SAMD5: variants seen among roughly 807,000 people sequenced by gnomAD.
The protein encoded by SAMD5 is sterile alpha motif domain-containing protein 5.
In SAMD5, 13 loss-of-function variants were observed where a neutral mutation model predicts 11.3. The observed-to-expected ratio is 1.15, with a 90% CI of 0.75 to 1.83. The LOEUF (loss-of-function observed/expected upper bound fraction) is 1.83. Among genes scored for constraint, SAMD5 ranks in the 40% most tolerant of loss-of-function variants. The pLI, the probability that SAMD5 is intolerant of heterozygous loss-of-function variation, is 0.00. For missense variants in SAMD5, 255 were observed against 239.1 expected, an observed-to-expected ratio of 1.07 and a Z score of -0.44; for synonymous variants, 129 against 111.3, an observed-to-expected ratio of 1.16 and a Z score of -1.00.
chr6:147,540,077 CT>C (rs148230885), intron 1 of SAMD5, among the ~76,000 whole-genome samples: 1 of 152,072 alleles, frequency 6.6e-6, no homozygotes, highest in African/African-American at 2.4e-5. Context: ...TGAGCAGTTT[CT>C]TTTTTTTCTC....
chr6:147,708,759 G>A (rs1189903965), intron 1 of SAMD5, among the ~76,000 whole-genome samples: 1 of 152,138 alleles, frequency 6.6e-6, no homozygotes, highest in Non-Finnish European at 1.5e-5. Context: ...GTTGTCTTTT[G>A]GGGATGATAA....
the SAMD5 span, among the ~76,000 whole-genome samples, chr6:147,751,617 T>A: frequency 6.6e-6 from 1 of 152,214 alleles, no homozygotes; most frequent in African/African-American, 2.4e-5. Context: ...AGAAAATGTT[T>A]ACTTTTCGGG....
At chr6:147,914,501 T>C in the SAMD5 span, among the ~76,000 whole-genome samples, 4 of 152,066 alleles carry the variant, frequency 2.6e-5, no homozygotes, top group African/African-American at 9.7e-5. Context: ...AATAATAAAT[T>C]GATAATGGCA....
intron 1 of SAMD5, among the ~76,000 whole-genome samples, chr6:147,631,666 C>T (rs1429518346): frequency 2.6e-5 from 4 of 152,116 alleles, no homozygotes; most frequent in Non-Finnish European, 1.5e-5. Context: ...GTGGGAAACG[C>T]CTCTACCCAC....
chr6:147,797,937 G>T, the SAMD5 span, among the ~76,000 whole-genome samples: 1 of 150,602 alleles, frequency 6.6e-6, no homozygotes, highest in Non-Finnish European at 1.5e-5. Context: ...TTTTTATTGT[G>T]TCTATTTGAT....
At chr6:147,772,507 A>C in the SAMD5 span, among the ~76,000 whole-genome samples, 1 of 152,178 alleles carries the variant, frequency 6.6e-6, no homozygotes, top group Non-Finnish European at 1.5e-5. Context: ...GGGTAGCTTA[A>C]GTCAGAGAGA....
intron 1 of SAMD5, among the ~76,000 whole-genome samples, chr6:147,531,154 AGTT>A (rs1472318333): frequency 2.5e-5 from 2 of 79,376 alleles, no homozygotes; most frequent in Admixed American, 1.6e-4. Flanking sequence ...TAGTCTTAAA[AGTT>A]TTTTTTTTTT....
chr6:147,833,267 C>T, the SAMD5 span, among the ~76,000 whole-genome samples: 117 of 152,252 alleles, frequency 7.7e-4, 1 homozygote, highest in African/African-American at 2.6e-3. Context: ...TTCTTTGTGG[C>T]ACCTATTTAT....
intron 1 of SAMD5, among the ~76,000 whole-genome samples, chr6:147,609,058 T>G (rs1789743403): frequency 6.6e-6 from 1 of 152,198 alleles, no homozygotes; most frequent in African/African-American, 2.4e-5. Context: ...TTTTAAGAGC[T>G]ATTATTTTTC....
At chr6:147,785,537 G>C in the SAMD5 span, among the ~76,000 whole-genome samples, 3 of 152,226 alleles carry the variant, frequency 2.0e-5, no homozygotes, top group South Asian at 4.1e-4. Context: ...ACATTCTCCA[G>C]GCATGAATCT....
intron 1 of SAMD5, among the ~76,000 whole-genome samples, chr6:147,561,637 G>T (rs976056712): frequency 7.9e-5 from 12 of 152,062 alleles, no homozygotes; most frequent in African/African-American, 2.9e-4. Flanking sequence ...TTCTTCATAG[G>T]GGTGTGCCTA....
the SAMD5 span, among the ~76,000 whole-genome samples, chr6:147,836,203 A>G: frequency 4.6e-5 from 7 of 152,324 alleles, no homozygotes; most frequent in African/African-American, 1.7e-4. Flanking sequence ...AGACTCATCA[A>G]TGAGCATATG....
intron 1 of SAMD5, among the ~76,000 whole-genome samples, chr6:147,721,373 T>A (rs1791549744): frequency 6.6e-6 from 1 of 152,080 alleles, no homozygotes; most frequent in Non-Finnish European, 1.5e-5. Flanking sequence ...GTTTCCTGAC[T>A]TTTTAATGAT....
chr6:147,938,552 C>T, the SAMD5 span, among the ~76,000 whole-genome samples: 16 of 152,326 alleles, frequency 1.1e-4, no homozygotes, highest in South Asian at 2.3e-3. Context: ...CACCCATCCT[C>T]ATTCGCTGGG....
intron 1 of SAMD5, among the ~76,000 whole-genome samples, chr6:147,640,448 G>A (rs1460868019): frequency 8.0e-6 from 1 of 124,238 alleles, no homozygotes; most frequent in Non-Finnish European, 1.6e-5. Context: ...AGTGAGCTGA[G>A]ATCACGCCAC....
chr6:147,883,784 T>C, the SAMD5 span, among the ~76,000 whole-genome samples: 3 of 152,174 alleles, frequency 2.0e-5, no homozygotes, highest in African/African-American at 7.2e-5. Flanking sequence ...GGTTTTGATG[T>C]TCTAATATCA....
At chr6:147,908,027 T>A in the SAMD5 span, among the ~76,000 whole-genome samples, 1 of 152,086 alleles carries the variant, frequency 6.6e-6, no homozygotes, top group Non-Finnish European at 1.5e-5. Context: ...GCAGGCAGCA[T>A]TTGATCATTG....
chr6:147,626,478 G>A (rs566870815), intron 1 of SAMD5, among the ~76,000 whole-genome samples: 1 of 150,654 alleles, frequency 6.6e-6, no homozygotes, highest in Non-Finnish European at 1.5e-5. Flanking sequence ...CCCTCATTAT[G>A]TAGTAGAACA....
intron 1 of SAMD5, among the ~76,000 whole-genome samples, chr6:147,580,202 G>T (rs1327846200): frequency 6.6e-6 from 1 of 152,170 alleles, no homozygotes; most frequent in African/African-American, 2.4e-5. Flanking sequence ...CTGCTGCTCA[G>T]GTCTTCCAGG....
Sources: allele counts gnomAD v4.1 joint callset (sites outside exome capture counted in the v4.1 genomes callset), GRCh38; gene constraint gnomAD v4.1.1; transcripts MANE v1.5; gene names NCBI Gene and HGNC (gene_info 2026-07-23, HGNC 2026-07-21).